The following HTR4 variants were observed in gnomAD, a reference collection of about 807,000 sequenced individuals.
The protein encoded by HTR4 is 5-hydroxytryptamine (serotonin) receptor 4, G protein-coupled.
A neutral mutation model predicts 36.8 loss-of-function variants in HTR4; 16 were observed. The observed-to-expected ratio is 0.43, with a 90% CI of 0.29 to 0.66. HTR4 has a LOEUF of 0.66. HTR4 is among the 30% of genes least tolerant of loss of function. HTR4 has a pLI of 0.13. For missense variants in HTR4, 438 were observed against 490.9 expected (o/e 0.89, Z 1.02); for synonymous variants, 189 against 185.1 (o/e 1.02, Z -0.17).
At chr5:148,572,106 T>G (rs1162184515) in intron 2 of HTR4, among the ~76,000 whole-genome samples, 1 of 152,104 alleles carries the variant, frequency 6.6e-6, no homozygotes, top group African/African-American at 2.4e-5. Context: ...TGCAACGTAA[T>G]GTAATATAAT....
chr5:148,653,448 C>A (rs1754096526), intron 1 of HTR4, among the ~76,000 whole-genome samples: 1 of 152,132 alleles, frequency 6.6e-6, no homozygotes, highest in Non-Finnish European at 1.5e-5. Flanking sequence ...CATCTGAAAT[C>A]GGGATTGGGA....
intron 2 of HTR4, among the ~76,000 whole-genome samples, chr5:148,559,307 T>G (rs1209916060): frequency 6.6e-6 from 1 of 152,196 alleles, no homozygotes; most frequent in East Asian, 1.9e-4. Flanking sequence ...CCATCTGTAA[T>G]TGTATGTGTG....
At chr5:148,520,130 C>T (rs912274036) in intron 5 of HTR4, among the ~76,000 whole-genome samples, 2 of 152,176 alleles carry the variant, frequency 1.3e-5, no homozygotes, top group African/African-American at 4.8e-5. Flanking sequence ...TCAGTATTTA[C>T]CAATTCAGTG....
chr5:148,549,321 A>G (rs1759561416), intron 3 of HTR4, among the ~76,000 whole-genome samples: 1 of 152,146 alleles, frequency 6.6e-6, no homozygotes, highest in African/African-American at 2.4e-5. Flanking sequence ...ACAGTCCACC[A>G]TTTTACACTA....
intron 1 of HTR4, among the ~76,000 whole-genome samples, chr5:148,639,948 G>T (rs1177569426): frequency 6.6e-6 from 1 of 151,996 alleles, no homozygotes; most frequent in African/African-American, 2.4e-5. Context: ...CCTTTACTAC[G>T]TGTTAATAAG....
chr5:148,520,866 C>T (rs565179904), intron 5 of HTR4: 1 of 1,366,766 alleles, frequency 7.3e-7, no homozygotes, highest in Non-Finnish European at 9.8e-7. Flanking sequence ...TTCTAATTCA[C>T]TCTTCTGCCT....
intron 5 of HTR4, among the ~76,000 whole-genome samples, chr5:148,452,715 T>G (rs890007399): frequency 5.9e-5 from 9 of 152,120 alleles, no homozygotes; most frequent in African/African-American, 2.2e-4. Context: ...CCGCAGCTGT[T>G]GTTGAGAGAG....
intron 2 of HTR4, among the ~76,000 whole-genome samples, chr5:148,613,971 C>T (rs1387891832): frequency 6.6e-6 from 1 of 151,430 alleles, no homozygotes; most frequent in Non-Finnish European, 1.5e-5. Context: ...ATCCAACTTA[C>T]AAGGGATGTG....
At chr5:148,454,181 T>A (rs1030456169) in intron 5 of HTR4, among the ~76,000 whole-genome samples, 2 of 152,172 alleles carry the variant, frequency 1.3e-5, no homozygotes, top group Non-Finnish European at 2.9e-5. Flanking sequence ...ACTTATTTAA[T>A]CTCTCTATGC....
chr5:148,478,273 C>T (rs771413890), downstream of HTR4, among the ~76,000 whole-genome samples: 2 of 152,182 alleles, frequency 1.3e-5, no homozygotes, highest in Non-Finnish European at 2.9e-5. Flanking sequence ...TCTAGAGATG[C>T]TCCAACATGG....
At chr5:148,551,387 T>C (rs1258601596) in intron 2 of HTR4, among the ~76,000 whole-genome samples, 2 of 152,202 alleles carry the variant, frequency 1.3e-5, no homozygotes, top group Non-Finnish European at 2.9e-5. Context: ...ATCATTTCTT[T>C]TAGTGCCCAC....
intron 6 of HTR4, among the ~76,000 whole-genome samples, chr5:148,494,289 T>C (rs1369696248): frequency 1.3e-5 from 2 of 152,152 alleles, no homozygotes; most frequent in African/African-American, 2.4e-5. Context: ...GGGAATAAAA[T>C]TGACATGGTA....
rs74317745 is a variant in HTR4 at position 148,514,604 on chromosome 5, A to G, written c.508-4580T>C. On this transcript the variant is annotated intron_variant, in intron 5 of 6. Transcript: ENST00000377888. ...ATGTCACTTACCCTTCTTGGGATCA[A>G]TCTGCATCCAGTGTGAATATACACA... 1.7e-3 allele frequency among the ~76,000 whole-genome samples: 266 copies of G among 152,282 alleles called. 1 individual carries two copies. The highest frequency in any genetic ancestry group is 6.0e-3 in the African/African-American group (250 of 41,580).
intron 2 of HTR4, among the ~76,000 whole-genome samples, chr5:148,576,055 T>A (rs1760886693): frequency 7.5e-6 from 1 of 132,954 alleles, no homozygotes; most frequent in Non-Finnish European, 1.5e-5. Flanking sequence ...ACAAAATCAA[T>A]GTAAAAAATC....
At chr5:148,473,857 A>C (rs1457205554), downstream of HTR4, among the ~76,000 whole-genome samples, 1 of 152,074 alleles carries the variant, frequency 6.6e-6, no homozygotes, top group African/African-American at 2.4e-5. Context: ...CCCATTATTC[A>C]GTAAAATCAT....
chr5:148,647,773 C>G (rs1234488830), intron 1 of HTR4, among the ~76,000 whole-genome samples: 1 of 152,188 alleles, frequency 6.6e-6, no homozygotes, highest in Non-Finnish European at 1.5e-5. Flanking sequence ...CGCTTGAACC[C>G]CGGAGGCGAA....
chr5:148,555,535 T>C (rs1173420085), intron 2 of HTR4, among the ~76,000 whole-genome samples: 1 of 152,210 alleles, frequency 6.6e-6, no homozygotes, highest in East Asian at 1.9e-4. Flanking sequence ...ACAATTAAAA[T>C]AAATTCCAAA....
intron 5 of HTR4, among the ~76,000 whole-genome samples, chr5:148,467,335 C>T (rs1044510378): frequency 4.6e-5 from 7 of 152,230 alleles, no homozygotes; most frequent in Admixed American, 1.3e-4. Context: ...CTTTTACATG[C>T]CTATTTAATA....
intron 6 of HTR4, among the ~76,000 whole-genome samples, chr5:148,500,420 G>C (rs1251903895): frequency 6.6e-6 from 1 of 151,982 alleles, no homozygotes; most frequent in Non-Finnish European, 1.5e-5. Context: ...AGTTGCTGGT[G>C]AGTTAGCAAG....
Sources: gnomAD v4.1 joint callset for allele counts (sites outside exome capture counted in the v4.1 genomes callset) on GRCh38, gnomAD v4.1.1 for gene constraint, MANE v1.5 for transcripts, NCBI Gene and HGNC (gene_info 2026-07-23, HGNC 2026-07-21) for gene names.